Variants in SYNE1 observed in about 807,000 individuals in gnomAD.
The protein encoded by SYNE1 is spectrin repeat containing nuclear envelope protein 1, also known as nesprin-1.
Under a neutral mutation model 1,111.0 loss-of-function variants are expected in SYNE1, and 616 were observed. The observed-to-expected ratio is 0.55, with a 90% CI of 0.52 to 0.59. The LOEUF is 0.59. SYNE1 is among the 20% of genes least tolerant of loss of function. SYNE1 has a pLI of 0.00. For synonymous variants in SYNE1, 3,855 were observed against 3,825.8 expected (o/e 1.01, Z -0.28); for missense variants, 10,006 against 10,417.0 (o/e 0.96, Z 1.72).
chr6:152,322,303 A>T (rs569924431), intron 82 of SYNE1, among the ~76,000 whole-genome samples: 5 of 152,352 alleles, frequency 3.3e-5, no homozygotes, highest in Non-Finnish European at 5.9e-5. Context: ...TCACGTTAAT[A>T]ATGTACAAAT....
At chr6:152,586,182 A>G (rs919980698) in intron 3 of SYNE1, among the ~76,000 whole-genome samples, 14 of 152,138 alleles carry the variant, frequency 9.2e-5, no homozygotes, top group African/African-American at 3.1e-4. Flanking sequence ...ACTTTTTTCT[A>G]TATACCATAT....
intron 124 of SYNE1, among the ~76,000 whole-genome samples, chr6:152,208,718 T>A (rs748530507): frequency 6.6e-6 from 1 of 152,240 alleles, no homozygotes; most frequent in Non-Finnish European, 1.5e-5. Context: ...CTGTACTCCA[T>A]AAACTCTCTC....
At chr6:152,189,164 T>C in intron 128 of SYNE1, 88 bp downstream of exon 128, 1 of 1,408,940 alleles carries the variant, frequency 7.1e-7, no homozygotes, top group Non-Finnish European at 9.9e-7. Flanking sequence ...ATGGGCCGGG[T>C]CCACATGTGG....
intron 3 of SYNE1, among the ~76,000 whole-genome samples, chr6:152,601,444 G>A (rs2099595801): frequency 6.6e-6 from 1 of 152,162 alleles, no homozygotes; most frequent in African/African-American, 2.4e-5. Context: ...CAATGCCATC[G>A]AGATATCTGG....
In SYNE1 at chr6:152,206,260, A is replaced by G; in HGVS notation, c.22927T>C (p.Leu7643=). The change falls in exon 126 of 146, where the codon TTG becomes CTG. Residue 7643 remains leucine, a synonymous_variant. Transcript: ENST00000367255. ...LSADSGAEAA[L]QAELAEIQEK... ...TGGATTTCAGCGAGTTCGGCCTGCAAGGCGGCCTCAGCGCCACTGTCCGCC... is the reference window on the plus strand; with the variant it reads ...TGGATTTCAGCGAGTTCGGCCTGCAGGGCGGCCTCAGCGCCACTGTCCGCC... The G allele has an allele frequency of 6.2e-7, 1 of 1,613,948 alleles. No homozygotes were observed. Among genetic ancestry groups the G allele is most frequent in the Non-Finnish European group, 8.5e-7 (1 of 1,180,030 alleles).
chr6:152,145,478 T>C, intron 137 of SYNE1: 1 of 1,613,704 alleles, frequency 6.2e-7, no homozygotes, highest in Non-Finnish European at 8.5e-7. Context: ...TCCGGCTTGT[T>C]GTGCCTACCG....
At chr6:152,251,997 CA>C (rs34267661) in intron 104 of SYNE1, among the ~76,000 whole-genome samples, 88,162 of 151,894 alleles carry the variant, frequency 0.58, 25,991 homozygotes, top group East Asian at 0.75. Flanking sequence ...TGTCCGGGCA[CA>C]GTGGTTCATG....
At position 152,251,509 on chromosome 6, in the gene SYNE1, A is replaced by T. The variant is rs532975116; in HGVS notation, c.19471-2247T>A. Reference sequence around the variant, plus strand: ...CGCGGTGGCTCACGCCTGTAATCCCAGCACTTTGGGAGGCCGAGGCGGGCG... The same window carrying T: ...CGCGGTGGCTCACGCCTGTAATCCCTGCACTTTGGGAGGCCGAGGCGGGCG... On this transcript the variant is annotated intron_variant, in intron 104 of 145. Coordinates refer to ENST00000367255, the MANE Select transcript of SYNE1 (RefSeq NM_182961.4). Among the ~76,000 whole-genome samples the T allele has an allele frequency of 1.3e-3, 193 of 152,196 alleles. 1 individual carries two copies. Among genetic ancestry groups the T allele is most frequent in the African/African-American group, 4.5e-3 (185 of 41,570 alleles).
At chr6:152,183,715 A>G (rs2068816485) in intron 128 of SYNE1, among the ~76,000 whole-genome samples, 1 of 152,180 alleles carries the variant, frequency 6.6e-6, no homozygotes, top group Non-Finnish European at 1.5e-5. Flanking sequence ...TTACTCACCA[A>G]TATCTGCAGG....
chr6:152,523,236 C>A (rs562150359), intron 5 of SYNE1, among the ~76,000 whole-genome samples: 1 of 151,710 alleles, frequency 6.6e-6, no homozygotes, highest in Non-Finnish European at 1.5e-5. Flanking sequence ...TTGTATAAGG[C>A]GAGGGATAGG....
At chr6:152,297,230 C>T (rs913328869) in intron 93 of SYNE1, among the ~76,000 whole-genome samples, 102 of 152,210 alleles carry the variant, frequency 6.7e-4, no homozygotes, top group African/African-American at 2.4e-3. Flanking sequence ...TTTTGCTTCC[C>T]GCCTCCACAG....
Position 152,383,115 on chromosome 6 carries a change from A to T in SYNE1, c.8653-1753T>A, listed in dbSNP as rs180828619. On this transcript the variant is annotated intron_variant, in intron 55 of 145. Coordinates refer to ENST00000367255, the MANE Select transcript of SYNE1 (RefSeq NM_182961.4). ...TAAAACCACCCACACACTAACCTAC[A>T]TTCAGGCTGGACCTGAACTTCTGAG... 1.1e-4 allele frequency among the ~76,000 whole-genome samples: 16 copies of T among 152,312 alleles called. No individual in the cohort carries two copies. In the East Asian group the frequency reaches 3.1e-3, roughly 29 times the overall value.
At chr6:152,520,420 C>A in intron 6 of SYNE1, 39 bp downstream of exon 6, 9 of 1,598,082 alleles carry the variant, frequency 5.6e-6, no homozygotes, top group Non-Finnish European at 7.7e-6. Flanking sequence ...TATGCCCACA[C>A]CTTCTTCCTT....
chr6:152,188,670 T>G (rs9479243), intron 128 of SYNE1, among the ~76,000 whole-genome samples: 8,394 of 151,928 alleles, frequency 0.055, 506 homozygotes, highest in African/African-American at 0.15. Flanking sequence ...AAAAATATTA[T>G]GCCAGCGGCC....
intron 14 of SYNE1, among the ~76,000 whole-genome samples, chr6:152,480,539 C>A (rs928147013): frequency 6.6e-6 from 1 of 152,118 alleles, no homozygotes; most frequent in Non-Finnish European, 1.5e-5. Context: ...AATAATAATT[C>A]AAGCTTTTCA....
At chr6:152,224,736 G>A in intron 116 of SYNE1, 72 bp from the exon 117 acceptor site, 2 of 1,444,364 alleles carry the variant, frequency 1.4e-6, no homozygotes, top group Non-Finnish European at 1.9e-6. Context: ...TCAATTGATG[G>A]GAAAATATTA....
At chr6:152,375,853 A>G (rs1402547293) in intron 58 of SYNE1, among the ~76,000 whole-genome samples, 1 of 152,268 alleles carries the variant, frequency 6.6e-6, no homozygotes, top group Non-Finnish European at 1.5e-5. Context: ...GTGCATTTAT[A>G]TAAATGAACT....
chr6:152,200,886 A>C (rs1362701712), intron 127 of SYNE1, among the ~76,000 whole-genome samples: 1 of 152,244 alleles, frequency 6.6e-6, no homozygotes, highest in African/African-American at 2.4e-5. Flanking sequence ...CTTAGATTTT[A>C]CAACTGAAGA....
intron 98 of SYNE1, 85 bp downstream of exon 98, chr6:152,278,004 C>G (rs760122156): frequency 6.8e-7 from 1 of 1,473,950 alleles, no homozygotes; most frequent in South Asian, 1.1e-5. Flanking sequence ...CACCGCCAAC[C>G]TGTTCCTTTA....
Sources: allele counts gnomAD v4.1 joint callset (sites outside exome capture counted in the v4.1 genomes callset), GRCh38; gene constraint gnomAD v4.1.1; transcripts MANE v1.5; gene names NCBI Gene and HGNC (gene_info 2026-07-23, HGNC 2026-07-21).